RIMS1: variants seen among roughly 807,000 people sequenced by gnomAD.
RIMS1 encodes the protein regulating synaptic membrane exocytosis protein 1.
RIMS1 carries 83 observed loss-of-function variants against 214.1 expected under a neutral mutation model. That is an observed-to-expected ratio of 0.39 (90% CI 0.32 to 0.47). The LOEUF (loss-of-function observed/expected upper bound fraction) is 0.47, where lower values mean the gene tolerates loss of function less well. RIMS1 is among the 20% of genes least tolerant of loss of function. RIMS1 has a pLI of 0.99. For missense variants in RIMS1, 2,050 were observed against 2,161.8 expected (o/e 0.95, Z 1.03); for synonymous variants, 793 against 786.8 (o/e 1.01, Z -0.13).
chr6:72,104,306 G>A (rs949982073), intron 4 of RIMS1, among the ~76,000 whole-genome samples: 14 of 152,086 alleles, frequency 9.2e-5, no homozygotes, highest in African/African-American at 3.4e-4. Context: ...TACTTTAAAA[G>A]GCTATTCTTT....
At chr6:71,993,816 C>G (rs1802590715) in intron 2 of RIMS1, among the ~76,000 whole-genome samples, 1 of 152,058 alleles carries the variant, frequency 6.6e-6, no homozygotes, top group South Asian at 2.1e-4. Context: ...GGGGCTATTT[C>G]CTTATGATTT....
intron 2 of RIMS1, among the ~76,000 whole-genome samples, chr6:72,055,655 G>A (rs940525914): frequency 2.0e-5 from 3 of 151,782 alleles, no homozygotes; most frequent in South Asian, 2.1e-4. Flanking sequence ...TTCATAGATG[G>A]CTCTTATTAT....
chr6:72,302,109 C>G (rs2094670901), intron 26 of RIMS1, among the ~76,000 whole-genome samples: 1 of 151,466 alleles, frequency 6.6e-6, no homozygotes, highest in Non-Finnish European at 1.5e-5. Context: ...GATAAAAATT[C>G]TGTAATGGAG....
chr6:72,218,326 G>T (rs1433139868), intron 6 of RIMS1, among the ~76,000 whole-genome samples: 2 of 152,064 alleles, frequency 1.3e-5, no homozygotes, highest in African/African-American at 4.8e-5. Flanking sequence ...CTGCTCACTT[G>T]CTCCCCCTCA....
intron 2 of RIMS1, among the ~76,000 whole-genome samples, chr6:72,027,807 G>T (rs1213419847): frequency 6.6e-6 from 1 of 151,870 alleles, no homozygotes; most frequent in African/African-American, 2.4e-5. Context: ...GAAACTCAAG[G>T]ATTATCAGAT....
At chr6:72,272,484 C>G (rs928369226) in intron 22 of RIMS1, among the ~76,000 whole-genome samples, 1 of 152,124 alleles carries the variant, frequency 6.6e-6, no homozygotes, top group Admixed American at 6.5e-5. Context: ...CAGAAGGACT[C>G]TAAGTGTACA....
At chr6:72,332,463 C>T (rs565590803) in intron 28 of RIMS1, among the ~76,000 whole-genome samples, 39 of 140,154 alleles carry the variant, frequency 2.8e-4, no homozygotes, top group African/African-American at 9.8e-4. Context: ...CATGTTCTCA[C>T]TCATAGATGG....
At chr6:72,196,580 CTTTTTTTTTT>C (rs61651151) in intron 6 of RIMS1, among the ~76,000 whole-genome samples, 7 of 57,210 alleles carry the variant, frequency 1.2e-4, no homozygotes, top group Admixed American at 2.2e-4. Context: ...GCCAGCTGCA[CTTTTTTTTTT>C]TTTTTTTTTT....
chr6:72,204,229 T>C lies in RIMS1; in HGVS notation c.1678+21080T>C, dbSNP rs115227994. Reference sequence around the variant, plus strand: ...ACTGAAAGTCCTGTCTACTTTGAGATAATAAATGGGAAAGTATTGCTCAGA... The same window carrying C: ...ACTGAAAGTCCTGTCTACTTTGAGACAATAAATGGGAAAGTATTGCTCAGA... On this transcript the variant is annotated intron_variant, in intron 6 of 33. Coordinates refer to ENST00000521978, the MANE Select transcript of RIMS1 (RefSeq NM_014989.7). Among the ~76,000 whole-genome samples, 449 of 152,296 alleles carry C rather than the reference T, an allele frequency of 2.9e-3. 1 individual carries two copies. Among genetic ancestry groups the C allele is most frequent in the African/African-American group, 0.01 (432 of 41,560 alleles).
At chr6:72,027,643 G>A (rs966989738) in intron 2 of RIMS1, among the ~76,000 whole-genome samples, 2 of 151,926 alleles carry the variant, frequency 1.3e-5, no homozygotes, top group African/African-American at 2.4e-5. Flanking sequence ...TAAAACAACA[G>A]CCCTAAGAAA....
intron 29 of RIMS1, among the ~76,000 whole-genome samples, chr6:72,352,141 C>T (rs2097473397): frequency 6.6e-6 from 1 of 152,168 alleles, no homozygotes; most frequent in Admixed American, 6.6e-5. Context: ...ACAACCATGC[C>T]AGCTTCTTGG....
intron 24 of RIMS1, among the ~76,000 whole-genome samples, chr6:72,288,249 TTAAA>T (rs979262681): frequency 3.9e-5 from 6 of 152,120 alleles, no homozygotes; most frequent in Non-Finnish European, 7.4e-5. Context: ...ATAAATAAAA[TTAAA>T]TAAAATAGTA....
At chr6:72,000,262 A>G (rs1562070517) in intron 2 of RIMS1, among the ~76,000 whole-genome samples, 1 of 152,196 alleles carries the variant, frequency 6.6e-6, no homozygotes, top group South Asian at 2.1e-4. Context: ...CTTGGGATAT[A>G]GTATAAAATA....
At chr6:72,249,037 A>G (rs1363416956) in intron 12 of RIMS1, among the ~76,000 whole-genome samples, 1 of 152,298 alleles carries the variant, frequency 6.6e-6, no homozygotes. Context: ...TTAGGTATCA[A>G]TTGGGAATCA....
rs748418532 is a variant in RIMS1, at chr6:72,179,678, C to A, written c.575C>A (p.Thr192Asn). 11 of 1,613,550 alleles carry A rather than the reference C, an allele frequency of 6.8e-6. No individual in the cohort carries two copies. Among genetic ancestry groups the A allele is most frequent in the Non-Finnish European group, 9.3e-6 (11 of 1,179,718 alleles). Residue 192 changes from threonine to asparagine, a missense_variant, in exon 5 of 34, where the codon ACC becomes AAC. By Grantham distance (65) the Thr-to-Asn change is moderately conservative. Around this residue, in one of 6 missense-constraint regions of RIMS1, gnomAD observed 882 missense variants for 828.9 expected, o/e 1.06. Coordinates refer to ENST00000521978, the MANE Select transcript of RIMS1 (RefSeq NM_014989.7). ...CCTCAGCAGACAAGTCAGGATGGAACCCTGAGTGATACAGCTACAGGTGCT... is the reference window on the plus strand; with the variant it reads ...CCTCAGCAGACAAGTCAGGATGGAAACCTGAGTGATACAGCTACAGGTGCT... ...SGPQQTSQDGTLSDTATGAGS... is the reference protein window; with the variant it reads ...SGPQQTSQDGNLSDTATGAGS...
At chr6:72,234,027 TA>T (rs1447127219) in intron 7 of RIMS1, among the ~76,000 whole-genome samples, 187 bp downstream of exon 7, 11 of 151,984 alleles carry the variant, frequency 7.2e-5, no homozygotes, top group South Asian at 4.1e-4. Context: ...TTAAATTAAG[TA>T]AAAAACAATT....
At chr6:72,042,457 G>T (rs1486349828) in intron 2 of RIMS1, among the ~76,000 whole-genome samples, 1 of 151,754 alleles carries the variant, frequency 6.6e-6, no homozygotes. Flanking sequence ...GTTTAATCAG[G>T]TCTTAAATTA....
chr6:72,218,905 T>C (rs2057367504), intron 6 of RIMS1, among the ~76,000 whole-genome samples: 2 of 152,214 alleles, frequency 1.3e-5, no homozygotes, highest in South Asian at 4.1e-4. Context: ...TCTGCTCAAG[T>C]CTCTTCCAAC....
chr6:72,187,375 G>T (rs1010744500), intron 6 of RIMS1, among the ~76,000 whole-genome samples: 6 of 151,760 alleles, frequency 4.0e-5, no homozygotes, highest in Admixed American at 3.3e-4. Flanking sequence ...ACTGCCTTTT[G>T]TGCCTTAATA....
Sources: gnomAD v4.1 joint callset for allele counts (sites outside exome capture counted in the v4.1 genomes callset) on GRCh38, gnomAD v4.1.1 for gene constraint, gnomAD v4.1.1 regional missense constraint, MANE v1.5 for transcripts, NCBI Gene and HGNC (gene_info 2026-07-23, HGNC 2026-07-21) for gene names.